Variants in POLD1 observed in about 807,000 individuals in gnomAD.
POLD1 encodes DNA polymerase delta 1, catalytic subunit, also known as DNA polymerase delta catalytic subunit.
Under a neutral mutation model 129.7 loss-of-function variants are expected in POLD1, and 79 were observed. The observed-to-expected ratio is 0.61, with a 90% CI of 0.51 to 0.73. POLD1 has a LOEUF of 0.73. POLD1 is among the 30% of genes least tolerant of loss of function. The pLI, the probability that POLD1 is intolerant of heterozygous loss-of-function variation, is 0.00. For missense variants in POLD1, 1,338 were observed against 1,595.8 expected, an observed-to-expected ratio of 0.84 and a Z score of 2.75; for synonymous variants, 714 against 683.3, an observed-to-expected ratio of 1.04 and a Z score of -0.70.
intron 17 of POLD1, among the ~76,000 whole-genome samples, chr19:50,410,820 C>T (rs2039063008): frequency 6.6e-6 from 1 of 152,098 alleles, no homozygotes; most frequent in Non-Finnish European, 1.5e-5. Flanking sequence ...CTGTGACTGG[C>T]CTTAGTGACT....
chr19:50,415,065 GC>G, intron 20 of POLD1, 75 bp downstream of exon 20: 1 of 1,328,488 alleles, frequency 7.5e-7, no homozygotes, highest in Non-Finnish European at 9.9e-7. Flanking sequence ...AGGAGTCTAG[GC>G]CCCAGCCCCT....
rs146228659 is a variant in POLD1 at position 50,409,174 on chromosome 19, A to C, written c.1945A>C (p.Thr649Pro). 3 of 1,613,712 alleles carry C rather than the reference A, an allele frequency of 1.9e-6. No homozygotes were observed. The highest frequency in any genetic ancestry group is 2.7e-5 in the African/African-American group (2 of 74,912). The change falls in exon 16 of 27, where the codon ACC becomes CCC. Residue 649 changes from threonine to proline, a missense_variant. Coordinates refer to ENST00000440232, the MANE Select transcript of POLD1 (RefSeq NM_002691.4). This position sits in a 1 kb window ranked among gnomAD's most constrained non-coding sequence, Gnocchi z 5.8. ...CCCCACCGGGGACGAGTTTGTGAAG[A>C]CCTCAGTGCGGAAGGGGCTGCTGCC... ...RTPTGDEFVK[T>P]SVRKGLLPQI...
At chr19:50,413,393 G>C in intron 17 of POLD1, 33 bp from the exon 18 acceptor site, 2 of 1,589,864 alleles carry the variant, frequency 1.3e-6, no homozygotes, top group Non-Finnish European at 1.7e-6. Context: ...ATGGCCCCCA[G>C]GGCTTCACTC....
chr19:50,401,226 A>G (rs2038587195), intron 3 of POLD1, among the ~76,000 whole-genome samples: 1 of 148,356 alleles, frequency 6.7e-6, no homozygotes, highest in South Asian at 2.1e-4. Flanking sequence ...GAGGTGGTTG[A>G]AATATAAATA....
intron 19 of POLD1, among the ~76,000 whole-genome samples, chr19:50,414,596 G>C (rs996688027): frequency 1.3e-5 from 2 of 152,242 alleles, no homozygotes; most frequent in African/African-American, 2.4e-5. Context: ...CTCTGTTTCA[G>C]ATTGGGGTCT....
At chr19:50,388,869 G>T (rs190646491) in intron 1 of POLD1, among the ~76,000 whole-genome samples, 59 of 114,764 alleles carry the variant, frequency 5.1e-4, no homozygotes, top group Non-Finnish European at 9.4e-4. Context: ...GTCTTGCTCT[G>T]TCACCCAGGC....
Position 50,414,888 on chromosome 19 carries a change from A to ACGAC in POLD1, c.2465_2468dup (p.Met824ProfsTer36). The ACGAC allele has an allele frequency of 2.5e-6, 4 of 1,608,554 alleles. No homozygotes were observed. The highest frequency in any genetic ancestry group is 3.4e-6 in the Non-Finnish European group (4 of 1,176,428). On this transcript the variant is annotated frameshift_variant, in exon 20 of 27. Coordinates refer to ENST00000440232, the MANE Select transcript of POLD1 (RefSeq NM_002691.4). LOFTEE classifies it high-confidence loss of function. ...CTCTTCTCCTCCCGGCCCGACGCCC[A>ACGAC]CGACCGCATGGACTGCAAGGGCCTG...
chr19:50,398,653 G>A (rs2038459931), intron 1 of POLD1, among the ~76,000 whole-genome samples, 198 bp from the exon 2 acceptor site: 1 of 151,626 alleles, frequency 6.6e-6, no homozygotes, highest in Non-Finnish European at 1.5e-5. Flanking sequence ...CGACGGGGCT[G>A]CTGCTGCAGT....
intron 1 of POLD1, among the ~76,000 whole-genome samples, chr19:50,385,693 C>T (rs1395495120): frequency 1.3e-5 from 2 of 151,846 alleles, no homozygotes; most frequent in Admixed American, 1.3e-4. Flanking sequence ...ATGCCCAGCT[C>T]ATTTTTTGTA....
chr19:50,398,325 A>T (rs1056655926), intron 1 of POLD1, among the ~76,000 whole-genome samples: 1 of 152,066 alleles, frequency 6.6e-6, no homozygotes, highest in African/African-American at 2.4e-5. Flanking sequence ...TAATCTCAGC[A>T]CTTTGGGAGG....
At chr19:50,390,053 C>T (rs868090189) in intron 1 of POLD1, among the ~76,000 whole-genome samples, 7 of 151,646 alleles carry the variant, frequency 4.6e-5, no homozygotes, top group East Asian at 1.9e-4. Context: ...GGATTACAGG[C>T]GCCTGGCACC....
At position 50,407,332 on chromosome 19, in the gene POLD1, G is replaced by T. The variant is rs544143880; in HGVS notation, c.1692G>T (p.Met564Ile). 4 of 1,612,302 alleles carry T rather than the reference G, an allele frequency of 2.5e-6. No individual in the cohort carries two copies. In the South Asian group the frequency reaches 4.4e-5, roughly 18 times the overall value. ...CCCACCTTCTCCCCTCCCAGGCCAT[G>T]CACGAGGGGCTGCTGATGCCCGTGG... ...KVVSQLLRQA[M>I]HEGLLMPVVK... The change falls in exon 14 of 27, where the codon ATG becomes ATT. Residue 564 changes from methionine (M) to isoleucine (I), a missense_variant. Transcript: ENST00000440232.
chr19:50,413,652 C>T (rs1382300461), intron 18 of POLD1, 90 bp from the exon 19 acceptor site: 19 of 1,541,772 alleles, frequency 1.2e-5, no homozygotes, highest in East Asian at 6.8e-5. Flanking sequence ...CCTTGGGTCC[C>T]GTTGGCATTA....
At chr19:50,387,634 A>T (rs1370075246) in intron 1 of POLD1, 1 of 152,688 alleles carries the variant, frequency 6.5e-6, no homozygotes, top group African/African-American at 2.4e-5. Flanking sequence ...AAGGGCAGCC[A>T]GTCAGCTCCT....
At chr19:50,408,357 ATAG>A (rs1411765577) in intron 14 of POLD1, among the ~76,000 whole-genome samples, 2 of 151,834 alleles carry the variant, frequency 1.3e-5, no homozygotes, top group Non-Finnish European at 2.9e-5. Context: ...ATAAAATAAA[ATAG>A]TAGATTAATT....
At chr19:50,416,933 T>G (rs2122501623) in intron 24 of POLD1, 112 bp from the exon 25 acceptor site, 2 of 1,231,004 alleles carry the variant, frequency 1.6e-6, no homozygotes, top group Non-Finnish European at 2.2e-6. Flanking sequence ...ACTTGCTCCG[T>G]TGTTCTCCAG....
rs371610104 is a variant in POLD1 at position 50,397,553 on chromosome 19, T to A, written c.-1-1298T>A. 8.6e-5 allele frequency among the ~76,000 whole-genome samples: 13 copies of A among 151,876 alleles called. No individual in the cohort carries two copies. The East Asian group carries it at 1.8e-3, about 21-fold the overall frequency. ...CTGAGTAGCTGGGATTACAGGCGCC[T>A]GCTACCTCACCTGGCTAATTTTTGT... On this transcript the variant is annotated intron_variant, in intron 1 of 26. Coordinates refer to ENST00000440232, the MANE Select transcript of POLD1 (RefSeq NM_002691.4).
intron 17 of POLD1, among the ~76,000 whole-genome samples, chr19:50,412,162 G>T (rs1398064599): frequency 6.6e-6 from 1 of 152,052 alleles, no homozygotes; most frequent in African/African-American, 2.4e-5. Flanking sequence ...GTTTTTGTTT[G>T]TTTGTTTTGA....
At chr19:50,391,184 C>A (rs2038150207) in intron 1 of POLD1, among the ~76,000 whole-genome samples, 1 of 151,150 alleles carries the variant, frequency 6.6e-6, no homozygotes, top group Admixed American at 6.6e-5. Context: ...CGATGAGCAG[C>A]CGGGCAGAGA....
Sources: allele counts gnomAD v4.1 joint callset (sites outside exome capture counted in the v4.1 genomes callset), GRCh38; gene constraint gnomAD v4.1.1; non-coding constraint Gnocchi (gnomAD v3.1); transcripts MANE v1.5; gene names NCBI Gene and HGNC (gene_info 2026-07-23, HGNC 2026-07-21).